SUPT3H: variants seen among roughly 807,000 people sequenced by gnomAD.
SUPT3H encodes the protein SPT3 homolog, SAGA and STAGA complex component, also known as transcription initiation protein SPT3 homolog.
A neutral mutation model predicts 44.3 loss-of-function variants in SUPT3H; 44 were observed. The ratio of observed to expected loss-of-function variants is 0.99; its 90% CI spans 0.78 to 1.28. The LOEUF is 1.28. SUPT3H is among the 50% of genes most tolerant of loss of function. The pLI is 0.00. For synonymous variants in SUPT3H, 124 were observed against 125.6 expected, an observed-to-expected ratio of 0.99 and a Z score of 0.09; for missense variants, 380 against 387.1, an observed-to-expected ratio of 0.98 and a Z score of 0.15.
At chr6:45,352,056 C>T (rs1792168560) in intron 2 of SUPT3H, among the ~76,000 whole-genome samples, 1 of 152,138 alleles carries the variant, frequency 6.6e-6, no homozygotes. Context: ...GTCTTGCCTG[C>T]TTCCTTAAAA....
At chr6:45,367,601 T>G (rs73735393) in intron 1 of SUPT3H, among the ~76,000 whole-genome samples, 1 of 152,128 alleles carries the variant, frequency 6.6e-6, no homozygotes, top group African/African-American at 2.4e-5. Context: ...CTTGTCTCAA[T>G]AGAAGGCTGA....
intron 5 of SUPT3H, among the ~76,000 whole-genome samples, chr6:45,007,386 A>G (rs979617477): frequency 5.9e-5 from 9 of 152,084 alleles, no homozygotes; most frequent in African/African-American, 2.2e-4. Flanking sequence ...AATGCCTATC[A>G]TATGCATCTT....
intron 3 of SUPT3H, among the ~76,000 whole-genome samples, chr6:45,047,949 T>C (rs1008319372): frequency 1.3e-5 from 2 of 152,034 alleles, no homozygotes; most frequent in Admixed American, 6.6e-5. Context: ...ACTGTCCTAA[T>C]ATCAAATCTT....
intron 2 of SUPT3H, chr6:45,321,991 C>G (rs1785566178): frequency 4.4e-6 from 3 of 684,642 alleles, no homozygotes; most frequent in Non-Finnish European, 7.3e-6. Context: ...GTCTTGTGAC[C>G]TCCCAGTTCC....
intron 10 of SUPT3H, among the ~76,000 whole-genome samples, chr6:44,922,303 T>C (rs182430476): frequency 6.6e-6 from 1 of 152,324 alleles, no homozygotes; most frequent in Non-Finnish European, 1.5e-5. Context: ...TAAATATATG[T>C]TGGGCACAAT....
intron 2 of SUPT3H, among the ~76,000 whole-genome samples, chr6:45,323,907 C>CT (rs1256987358): frequency 2.6e-5 from 4 of 152,058 alleles, no homozygotes; most frequent in Non-Finnish European, 4.4e-5. Flanking sequence ...AAAAAGATTA[C>CT]TTTCACTTCT....
Position 44,833,060 on chromosome 6 carries a change from G to A in SUPT3H, c.913-3203C>T, listed in dbSNP as rs73735213. Among the ~76,000 whole-genome samples, 724 of 152,214 alleles carry A rather than the reference G, an allele frequency of 4.8e-3. 11 individuals carry two copies. The highest frequency in any genetic ancestry group is 0.016 in the African/African-American group (685 of 41,552). ...GTAGTTCCGACTTAAATATTACTGC[G>A]TATTATGTTTGCCATTAGCCTACTT... is the stretch of plus-strand genomic sequence containing the variant. On this transcript the variant is annotated intron_variant, in intron 10 of 10. Coordinates refer to ENST00000371459, the MANE Select transcript of SUPT3H (RefSeq NM_003599.4).
intron 2 of SUPT3H, among the ~76,000 whole-genome samples, chr6:45,111,890 T>C (rs79794282): frequency 0.028 from 4,193 of 152,098 alleles, 222 homozygotes; most frequent in African/African-American, 0.095. Context: ...AGGGCTTGTA[T>C]CCAACTAAAA....
In SUPT3H at chr6:45,369,709, C is replaced by T. The variant is rs1309072054; in HGVS notation, c.1-4408G>A. Among the ~76,000 whole-genome samples the T allele has an allele frequency of 7.2e-5, 11 of 152,170 alleles. No homozygotes were observed. The East Asian group carries it at 1.3e-3, about 19-fold the overall frequency. ...GGGGCACCTACTACAGGCCAAACAC[C>T]GTTCTAAGAGGTAGGGATATAGTAG... On this transcript the variant is annotated intron_variant, in intron 1 of 10. Transcript: ENST00000371459.
intron 11 of SUPT3H, among the ~76,000 whole-genome samples, chr6:44,812,737 C>A (rs1344395919): frequency 2.0e-5 from 3 of 152,146 alleles, no homozygotes; most frequent in Admixed American, 2.0e-4. Flanking sequence ...TGCCAATTAA[C>A]TGTGAGACGA....
intron 2 of SUPT3H, among the ~76,000 whole-genome samples, chr6:45,110,834 A>C (rs907078688): frequency 1.3e-5 from 2 of 152,196 alleles, no homozygotes; most frequent in Non-Finnish European, 2.9e-5. Flanking sequence ...CAGCTGTGAA[A>C]GGCAGTCAAC....
At chr6:45,304,052 T>A (rs548082280) in intron 2 of SUPT3H, among the ~76,000 whole-genome samples, 11 of 152,158 alleles carry the variant, frequency 7.2e-5, no homozygotes, top group Admixed American at 5.9e-4. Flanking sequence ...GACTATATAC[T>A]GTAGAAAGCT....
At chr6:45,011,006 TG>T (rs1783406972) in intron 5 of SUPT3H, among the ~76,000 whole-genome samples, 2 of 152,180 alleles carry the variant, frequency 1.3e-5, no homozygotes, top group South Asian at 4.1e-4. Context: ...TCTGTTAATT[TG>T]ATGCATTACA....
intron 2 of SUPT3H, among the ~76,000 whole-genome samples, chr6:45,331,145 G>A (rs1460682693): frequency 6.6e-6 from 1 of 151,652 alleles, no homozygotes; most frequent in East Asian, 1.9e-4. Flanking sequence ...GCGCGCACAT[G>A]CTAGAGAAAG....
At chr6:44,863,854 A>G (rs1202496452) in intron 10 of SUPT3H, among the ~76,000 whole-genome samples, 1 of 152,180 alleles carries the variant, frequency 6.6e-6, no homozygotes, top group African/African-American at 2.4e-5. Flanking sequence ...ATAAGAGTCA[A>G]GTGGAACAGG....
intron 2 of SUPT3H, among the ~76,000 whole-genome samples, chr6:45,286,648 T>C (rs1026678275): frequency 1.3e-5 from 2 of 152,198 alleles, no homozygotes; most frequent in African/African-American, 2.4e-5. Context: ...TTGGTGGGAC[T>C]GTAAACTAGT....
intron 2 of SUPT3H, among the ~76,000 whole-genome samples, chr6:45,337,061 CAAT>C (rs1788714617): frequency 1.3e-5 from 2 of 151,710 alleles, no homozygotes; most frequent in South Asian, 2.1e-4. Context: ...TACATAGCAA[CAAT>C]AATATAGTGA....
At chr6:45,186,542 C>A (rs1239747405) in intron 2 of SUPT3H, among the ~76,000 whole-genome samples, 6 of 152,154 alleles carry the variant, frequency 3.9e-5, no homozygotes, top group Admixed American at 2.6e-4. Context: ...AGATGACAGA[C>A]AAAATCTCCA....
chr6:44,813,241 G>A (rs562016), intron 11 of SUPT3H, among the ~76,000 whole-genome samples: 117,763 of 152,100 alleles, frequency 0.77, 45,759 homozygotes, highest in African/African-American at 0.79. Context: ...GTTGGAGTGC[G>A]GTGGTGCAAT....
Sources: allele counts gnomAD v4.1 joint callset (sites outside exome capture counted in the v4.1 genomes callset), GRCh38; gene constraint gnomAD v4.1.1; transcripts MANE v1.5; gene names NCBI Gene and HGNC (gene_info 2026-07-23, HGNC 2026-07-21).